The following CSMD1 variants were observed in gnomAD, a reference collection of about 807,000 sequenced individuals.
The protein encoded by CSMD1 is CUB and sushi domain-containing protein 1.
In CSMD1, 213 loss-of-function variants were observed where a neutral mutation model predicts 417.5. That is an observed-to-expected ratio of 0.51 (90% confidence interval 0.46 to 0.57). The LOEUF (loss-of-function observed/expected upper bound fraction) is 0.57, where lower values mean the gene tolerates loss of function less well. Among genes scored for constraint, CSMD1 ranks in the 20% least tolerant of loss-of-function variants. The probability of loss-of-function intolerance (pLI) is 0.00; values close to 1 mark genes in which losing one functional copy is unlikely to be tolerated. For missense variants in CSMD1, 6,923 were observed against 4,529.7 expected, an observed-to-expected ratio of 1.53 and a Z score of -15.17; for synonymous variants, 2,862 against 1,736.8, an observed-to-expected ratio of 1.65 and a Z score of -16.11.
At chr8:3,608,858 C>T (rs752098906) in intron 8 of CSMD1, among the ~76,000 whole-genome samples, 69 of 152,126 alleles carry the variant, frequency 4.5e-4, no homozygotes, top group Non-Finnish European at 6.5e-4. Flanking sequence ...TGACACACCC[C>T]TTGCAGTGAT....
chr8:4,986,943 C>G (rs1181407178), intron 1 of CSMD1, among the ~76,000 whole-genome samples: 1 of 152,048 alleles, frequency 6.6e-6, no homozygotes, highest in African/African-American at 2.4e-5. Context: ...TTGATAGACT[C>G]TACCTATCTA....
intron 49 of CSMD1, among the ~76,000 whole-genome samples, chr8:3,069,935 T>C (rs760656622): frequency 3.6e-4 from 55 of 152,238 alleles, no homozygotes; most frequent in Non-Finnish European, 6.9e-4. Context: ...TCTTCATTCT[T>C]GCATTCTGCG....
chr8:3,852,921 C>A (rs984597477), intron 5 of CSMD1, among the ~76,000 whole-genome samples: 4 of 152,164 alleles, frequency 2.6e-5, no homozygotes. Context: ...TTATCTTGAT[C>A]CCACCTTCCT....
At chr8:4,259,209 G>A (rs1803700329) in intron 3 of CSMD1, among the ~76,000 whole-genome samples, 1 of 152,148 alleles carries the variant, frequency 6.6e-6, no homozygotes, top group Admixed American at 6.5e-5. Flanking sequence ...GCCCACAACG[G>A]CTTTCAAATC....
intron 3 of CSMD1, among the ~76,000 whole-genome samples, chr8:4,151,057 A>G (rs543302991): frequency 1.7e-4 from 26 of 152,284 alleles, no homozygotes; most frequent in African/African-American, 6.3e-4. Context: ...TGAGGAGCCT[A>G]CAGCTAAGTT....
intron 5 of CSMD1, among the ~76,000 whole-genome samples, chr8:3,818,518 G>T (rs1306648173): frequency 6.6e-6 from 1 of 152,142 alleles, no homozygotes; most frequent in Non-Finnish European, 1.5e-5. Context: ...CTGCAGATTA[G>T]ACCAGGGTAG....
intron 2 of CSMD1, among the ~76,000 whole-genome samples, chr8:4,449,354 CTTT>C (rs1351573466): frequency 6.6e-6 from 1 of 152,262 alleles, no homozygotes; most frequent in Non-Finnish European, 1.5e-5. Context: ...CTCCCCCTCT[CTTT>C]TTTTCCAGAA....
At chr8:3,339,717 A>C (rs923621539) in intron 23 of CSMD1, among the ~76,000 whole-genome samples, 2 of 152,172 alleles carry the variant, frequency 1.3e-5, no homozygotes, top group African/African-American at 2.4e-5. Flanking sequence ...AGGGAATACA[A>C]TTTGAATGAC....
intron 3 of CSMD1, among the ~76,000 whole-genome samples, chr8:4,085,615 C>G (rs1012748630): frequency 3.3e-5 from 5 of 152,096 alleles, no homozygotes; most frequent in Non-Finnish European, 5.9e-5. Context: ...GTGGGAACCT[C>G]ACGGGAACTG....
intron 6 of CSMD1, among the ~76,000 whole-genome samples, chr8:3,730,057 A>G (rs991635882): frequency 6.6e-6 from 1 of 151,352 alleles, no homozygotes; most frequent in African/African-American, 2.4e-5. Flanking sequence ...CAGGTCCTCT[A>G]CCTTAAGGCT....
chr8:3,606,305 G>C (rs1229408986), intron 8 of CSMD1, among the ~76,000 whole-genome samples: 6 of 152,090 alleles, frequency 3.9e-5, no homozygotes, highest in Non-Finnish European at 7.4e-5. Context: ...CCACCCAGAT[G>C]GTGTAGCCTG....
intron 54 of CSMD1, among the ~76,000 whole-genome samples, chr8:2,982,636 C>G (rs1188538195): frequency 6.6e-6 from 1 of 152,234 alleles, no homozygotes; most frequent in Non-Finnish European, 1.5e-5. Context: ...AGCACCCGCA[C>G]TATGACCGCG....
chr8:3,672,661 G>C (rs1799138805), intron 7 of CSMD1, among the ~76,000 whole-genome samples: 1 of 152,200 alleles, frequency 6.6e-6, no homozygotes, highest in Non-Finnish European at 1.5e-5. Flanking sequence ...ATGGTGCAGT[G>C]TCACTGGGCA....
At chr8:4,363,916 A>AG (rs1454014641) in intron 3 of CSMD1, among the ~76,000 whole-genome samples, 3 of 152,084 alleles carry the variant, frequency 2.0e-5, no homozygotes, top group Non-Finnish European at 2.9e-5. Flanking sequence ...GGTGTAGGGC[A>AG]GGGGGGAGAT....
At chr8:3,915,183 A>T (rs1427264754) in intron 5 of CSMD1, among the ~76,000 whole-genome samples, 1 of 152,054 alleles carries the variant, frequency 6.6e-6, no homozygotes, top group Non-Finnish European at 1.5e-5. Context: ...AGGCAGGAGG[A>T]CCACCTAAGG....
chr8:4,960,652 T>C (rs905939415), intron 1 of CSMD1, among the ~76,000 whole-genome samples: 4 of 152,190 alleles, frequency 2.6e-5, no homozygotes, highest in African/African-American at 7.2e-5. Context: ...TCCATACATA[T>C]GTACATCCAT....
rs1002540310 is a variant in CSMD1, at chr8:4,505,730, C to T, written c.303-85665G>A. 2.6e-5 allele frequency among the ~76,000 whole-genome samples: 4 copies of T among 152,100 alleles called. No individual in the cohort carries two copies. In the South Asian group the frequency reaches 8.3e-4, roughly 31 times the overall value. On this transcript the variant is annotated intron_variant, in intron 2 of 69. Coordinates refer to ENST00000635120, the MANE Select transcript of CSMD1 (RefSeq NM_033225.6). ...TTCATCTGCCAATGAAGCCTTTGGA[C>T]AGAACCCTAAGCTACAACTCAGTGG...
chr8:4,747,019 G>A (rs549813215), intron 1 of CSMD1, among the ~76,000 whole-genome samples: 16 of 152,276 alleles, frequency 1.1e-4, no homozygotes, highest in African/African-American at 3.6e-4. Context: ...GCGGTTCAGA[G>A]AAGCCACTGA....
chr8:4,858,690 T>G (rs1801950951), intron 1 of CSMD1, among the ~76,000 whole-genome samples: 1 of 150,300 alleles, frequency 6.7e-6, no homozygotes. Context: ...ATAAAATACC[T>G]AGGAATCCAA....
Sources: allele counts gnomAD v4.1 joint callset (sites outside exome capture counted in the v4.1 genomes callset), GRCh38; gene constraint gnomAD v4.1.1; transcripts MANE v1.5; gene names NCBI Gene and HGNC (gene_info 2026-07-23, HGNC 2026-07-21).